The following BTG4 variants were observed in gnomAD, a reference collection of about 807,000 sequenced individuals.
The protein encoded by BTG4 is protein BTG4.
A neutral mutation model predicts 19.3 loss-of-function variants in BTG4; 10 were observed. The ratio of observed to expected loss-of-function variants is 0.52; its 90% CI spans 0.32 to 0.88. The LOEUF (loss-of-function observed/expected upper bound fraction) is 0.88. Ranked by LOEUF, BTG4 falls within the 40% of genes least tolerant of loss-of-function variation. BTG4 has a pLI of 0.04. For synonymous variants in BTG4, 91 were observed against 95.7 expected (o/e 0.95, Z 0.29); for missense variants, 238 against 281.9 (o/e 0.84, Z 1.11).
rs138579087 is a variant in BTG4 at position 111,470,911 on chromosome 11, A to G, written c.663-3230T>C. Among the ~76,000 whole-genome samples the G allele has an allele frequency of 4.1e-3, 632 of 152,332 alleles. 2 individuals are homozygous for G. The highest frequency in any genetic ancestry group is 0.014 in the African/African-American group (572 of 41,582). ...ACCACTGCACTCTAGCCTGGGCAACAGAGTGAGATCCTATCTCAAAAAATA... is the reference window on the plus strand; with the variant it reads ...ACCACTGCACTCTAGCCTGGGCAACGGAGTGAGATCCTATCTCAAAAAATA... On this transcript the variant is annotated intron_variant, in intron 5 of 5. Coordinates refer to the BTG4 transcript ENST00000356018.
chr11:111,454,056 C>T, the BTG4 span, among the ~76,000 whole-genome samples: 3 of 152,206 alleles, frequency 2.0e-5, no homozygotes, highest in Admixed American at 6.5e-5. Flanking sequence ...GCCTGAGATT[C>T]TGCATTTCTA....
chr11:111,400,037 G>A, the BTG4 span, among the ~76,000 whole-genome samples: 1 of 152,168 alleles, frequency 6.6e-6, no homozygotes, highest in South Asian at 2.1e-4. Flanking sequence ...AGGGTGGAGT[G>A]AGGGGAGACA....
chr11:111,452,178 G>A, the BTG4 span, among the ~76,000 whole-genome samples: 14 of 152,208 alleles, frequency 9.2e-5, no homozygotes, highest in Non-Finnish European at 1.9e-4. Flanking sequence ...AGGTTTTACT[G>A]GCTTAGTCCC....
chr11:111,400,167 C>T, the BTG4 span, among the ~76,000 whole-genome samples: 1 of 152,164 alleles, frequency 6.6e-6, no homozygotes, highest in Non-Finnish European at 1.5e-5. Flanking sequence ...GTCATGCCGC[C>T]TCTCTGTGCC....
intron 5 of BTG4, among the ~76,000 whole-genome samples, chr11:111,482,020 T>C (rs769216870): frequency 1.7e-4 from 25 of 151,408 alleles, no homozygotes; most frequent in Admixed American, 2.0e-4. Flanking sequence ...GGGAAAGAAA[T>C]AAATAAAACT....
chr11:111,473,933 C>T (rs1329909846), intron 5 of BTG4, among the ~76,000 whole-genome samples: 2 of 152,116 alleles, frequency 1.3e-5, no homozygotes, highest in East Asian at 3.8e-4. Flanking sequence ...ATTTTTAATC[C>T]TAAGCATTTA....
chr11:111,464,767 G>A (rs1369113524), downstream of BTG4: 1 of 152,242 alleles, frequency 6.6e-6, no homozygotes, highest in Non-Finnish European at 1.5e-5. Flanking sequence ...AGGAATGTTA[G>A]AATCCTGCCT....
the BTG4 span, chr11:111,455,770 C>A: frequency 2.2e-6 from 1 of 449,562 alleles, no homozygotes; most frequent in South Asian, 1.6e-5. Flanking sequence ...AGTTCCCCAG[C>A]TGGACACGGT....
the BTG4 span, among the ~76,000 whole-genome samples, chr11:111,391,584 T>C: frequency 5.4e-4 from 82 of 152,208 alleles, no homozygotes; most frequent in African/African-American, 1.9e-3. Context: ...CTCTCACATT[T>C]CCAAGGATCA....
the BTG4 span, chr11:111,455,603 TG>T: frequency 2.5e-5 from 7 of 285,096 alleles, no homozygotes; most frequent in Non-Finnish European, 4.4e-5. Context: ...CCTCTCCGGC[TG>T]GGCAGAACCC....
upstream of BTG4, chr11:111,514,300 G>T: frequency 5.4e-6 from 1 of 183,762 alleles, no homozygotes; most frequent in Admixed American, 5.3e-5. Context: ...GCACGTATCC[G>T]CCCAGTTCAG....
At chr11:111,437,810 G>A in the BTG4 span, among the ~76,000 whole-genome samples, 2 of 152,132 alleles carry the variant, frequency 1.3e-5, no homozygotes, top group African/African-American at 2.4e-5. Flanking sequence ...TTCTCGTGTT[G>A]ATAGCTTAGC....
chr11:111,475,699 G>A (rs1280500122), intron 5 of BTG4, among the ~76,000 whole-genome samples: 2 of 152,252 alleles, frequency 1.3e-5, no homozygotes, highest in Middle Eastern at 3.4e-3. Context: ...GCCAATGCTT[G>A]AAATTCAAAC....
At chr11:111,485,861 T>C (rs992015091) in intron 5 of BTG4, among the ~76,000 whole-genome samples, 5 of 152,174 alleles carry the variant, frequency 3.3e-5, no homozygotes, top group Non-Finnish European at 7.4e-5. Flanking sequence ...AGAAAAAAGA[T>C]CTTTCCTGTA....
the BTG4 span, among the ~76,000 whole-genome samples, chr11:111,396,365 C>T: frequency 6.6e-6 from 1 of 152,210 alleles, no homozygotes; most frequent in African/African-American, 2.4e-5. Context: ...CTGCCCTTTC[C>T]AGGCCTCTCC....
chr11:111,487,326 G>T (rs1158959687), intron 5 of BTG4, among the ~76,000 whole-genome samples: 1 of 152,010 alleles, frequency 6.6e-6, no homozygotes, highest in South Asian at 2.1e-4. Flanking sequence ...TATTCCTTTG[G>T]GTATATACCC....
At chr11:111,470,835 A>G (rs1236636612) in intron 5 of BTG4, among the ~76,000 whole-genome samples, 1 of 152,134 alleles carries the variant, frequency 6.6e-6, no homozygotes, top group East Asian at 1.9e-4. Flanking sequence ...AGGCAGAAGG[A>G]TCCATTGAGC....
chr11:111,458,026 G>A, the BTG4 span: 1 of 152,764 alleles, frequency 6.5e-6, no homozygotes, highest in African/African-American at 2.4e-5. Context: ...ATGTGCTAGT[G>A]GCCCAGAGGC....
chr11:111,495,369 G>T, intron 4 of BTG4, 55 bp from the exon 5 acceptor site: 1 of 1,450,090 alleles, frequency 6.9e-7, no homozygotes, highest in Non-Finnish European at 9.5e-7. Flanking sequence ...GACTAAATAT[G>T]AACCCATAAT....
Sources: gnomAD v4.1 joint callset for allele counts (sites outside exome capture counted in the v4.1 genomes callset) on GRCh38, gnomAD v4.1.1 for gene constraint, MANE v1.5 for transcripts, NCBI Gene and HGNC (gene_info 2026-07-23, HGNC 2026-07-21) for gene names.